DSE: variants seen among roughly 807,000 people sequenced by gnomAD.
DSE encodes dermatan sulfate epimerase, also known as dermatan-sulfate epimerase.
In DSE, 36 loss-of-function variants were observed where a neutral mutation model predicts 84.4. The ratio of observed to expected loss-of-function variants is 0.43; its 90% CI spans 0.33 to 0.56. The LOEUF is 0.56. Ranked by LOEUF, DSE falls within the 20% of genes least tolerant of loss-of-function variation. The pLI, the probability that DSE is intolerant of heterozygous loss-of-function variation, is 0.06. For missense variants in DSE, 862 were observed against 1,169.6 expected, an observed-to-expected ratio of 0.74 and a Z score of 3.84; for synonymous variants, 410 against 430.1, an observed-to-expected ratio of 0.95 and a Z score of 0.58.
intron 2 of DSE, among the ~76,000 whole-genome samples, chr6:116,268,222 A>ACAT (rs1772720510): frequency 1.3e-5 from 2 of 152,344 alleles, no homozygotes; most frequent in South Asian, 4.1e-4. Context: ...TAGATATGTT[A>ACAT]GTTACACAAC....
intron 2 of DSE, chr6:116,279,625 C>G: frequency 6.2e-7 from 1 of 1,603,226 alleles, no homozygotes; most frequent in Non-Finnish European, 8.5e-7. Context: ...CTGGGGTACG[C>G]CCCCCTCCTC....
At chr6:116,369,860 A>T (rs190705884), upstream of DSE, 1,448 of 1,258,618 alleles carry the variant, frequency 1.2e-3, 7 homozygotes, top group Admixed American at 1.4e-3. Flanking sequence ...AATTGGATGG[A>T]GGTGCCCTTC....
At chr6:116,311,943 G>A (rs1775717987) in intron 2 of DSE, among the ~76,000 whole-genome samples, 1 of 152,116 alleles carries the variant, frequency 6.6e-6, no homozygotes, top group South Asian at 2.1e-4. Flanking sequence ...GCCTCCAACA[G>A]TGCCTGGAGT....
chr6:116,299,422 A>G (rs764788143), intron 2 of DSE, among the ~76,000 whole-genome samples: 49 of 150,872 alleles, frequency 3.2e-4, no homozygotes, highest in Non-Finnish European at 6.5e-4. Flanking sequence ...TTAGAAAGCT[A>G]TAAGGGAAGA....
chr6:116,370,689 G>C (rs1271065389), upstream of DSE, among the ~76,000 whole-genome samples: 7 of 151,888 alleles, frequency 4.6e-5, no homozygotes, highest in Admixed American at 3.3e-4. Context: ...GGTGGAGTCC[G>C]GGCCGGGTGG....
chr6:116,397,056 TG>T (rs1357178896), intron 1 of DSE, among the ~76,000 whole-genome samples: 1 of 151,974 alleles, frequency 6.6e-6, no homozygotes, highest in African/African-American at 2.4e-5. Flanking sequence ...GTACGTTGGG[TG>T]TGTGTATGGG....
chr6:116,267,266 G>A (rs564370036), intron 2 of DSE, among the ~76,000 whole-genome samples: 1 of 152,272 alleles, frequency 6.6e-6, no homozygotes, highest in East Asian at 1.9e-4. Context: ...TATTCCAGAA[G>A]AAGGCATTTT....
At chr6:116,425,235 T>C (rs909042228) in intron 2 of DSE, among the ~76,000 whole-genome samples, 1 of 152,254 alleles carries the variant, frequency 6.6e-6, no homozygotes, top group Non-Finnish European at 1.5e-5. Flanking sequence ...TAGATTTCCA[T>C]GTATCCTTAC....
chr6:116,297,730 A>G (rs1774759212), intron 2 of DSE, among the ~76,000 whole-genome samples: 2 of 152,212 alleles, frequency 1.3e-5, no homozygotes, highest in African/African-American at 4.8e-5. Flanking sequence ...ACTTTTGTCA[A>G]ACCAGGAAAA....
At chr6:116,297,855 C>G (rs1213711922) in intron 2 of DSE, among the ~76,000 whole-genome samples, 1 of 152,110 alleles carries the variant, frequency 6.6e-6, no homozygotes, top group African/African-American at 2.4e-5. Flanking sequence ...TCACTAGGCT[C>G]TTAATAAAAT....
intron 1 of DSE, among the ~76,000 whole-genome samples, chr6:116,372,340 C>T (rs569619489): frequency 2.4e-4 from 37 of 152,184 alleles, no homozygotes; most frequent in African/African-American, 8.9e-4. Flanking sequence ...TGGTGGCGGG[C>T]GCCTGTAGTC....
intron 2 of DSE, among the ~76,000 whole-genome samples, chr6:116,295,404 AT>A (rs1191708369): frequency 1.3e-5 from 2 of 151,912 alleles, no homozygotes; most frequent in African/African-American, 4.8e-5. Flanking sequence ...ACATCCATTG[AT>A]TTTTTTTCCT....
At chr6:116,294,946 T>A (rs1774563252) in intron 2 of DSE, among the ~76,000 whole-genome samples, 1 of 152,152 alleles carries the variant, frequency 6.6e-6, no homozygotes, top group Non-Finnish European at 1.5e-5. Flanking sequence ...ACTGAGCACT[T>A]CCTATAGTAA....
rs973697726 is a variant in DSE at position 116,442,132 on chromosome 6, A to G, written c.*4787A>G. On this transcript the variant is annotated 3_prime_UTR_variant, in exon 6 of 6. Coordinates refer to ENST00000644252, the MANE Select transcript of DSE (RefSeq NM_013352.4). ...ACAGGGACATCTAAGAGAGAGGAGC[A>G]TTCCAGATAGAACAGCAGTTCGAAG... The G allele has an allele frequency of 6.6e-6, 1 of 152,314 alleles. No individual in the cohort carries two copies. Among genetic ancestry groups the G allele is most frequent in the African/African-American group, 2.4e-5 (1 of 41,440 alleles). The allele number at this position is 152,314 out of a possible 1,614,324, so 9.4% of individuals were successfully genotyped here. A position where few individuals can be genotyped will look rare whatever the true frequency, so the allele number is the denominator to read the frequency against.
intron 2 of DSE, among the ~76,000 whole-genome samples, chr6:116,294,812 C>T (rs1057298693): frequency 6.6e-6 from 1 of 152,096 alleles, no homozygotes; most frequent in Non-Finnish European, 1.5e-5. Context: ...CAAGTCTCTC[C>T]TCCAATTTCC....
chr6:116,398,361 A>G (rs1781384319), intron 1 of DSE, among the ~76,000 whole-genome samples: 1 of 152,270 alleles, frequency 6.6e-6, no homozygotes, highest in Non-Finnish European at 1.5e-5. Context: ...TTAAGAAAAT[A>G]TGTGAACTTT....
At chr6:116,307,251 A>G (rs115283081) in intron 2 of DSE, among the ~76,000 whole-genome samples, 10,938 of 152,188 alleles carry the variant, frequency 0.072, 422 homozygotes, top group East Asian at 0.18. Flanking sequence ...CACTCCAATC[A>G]TTCATTAACC....
At chr6:116,343,378 A>G (rs1255684856) in intron 2 of DSE, among the ~76,000 whole-genome samples, 1 of 152,226 alleles carries the variant, frequency 6.6e-6, no homozygotes, top group Admixed American at 6.5e-5. Context: ...AAGTAGCCTA[A>G]ATGGGAGACA....
chr6:116,293,876 G>A (rs968569057), intron 2 of DSE, among the ~76,000 whole-genome samples: 14 of 151,850 alleles, frequency 9.2e-5, no homozygotes, highest in Non-Finnish European at 1.6e-4. Context: ...ATGAGACGTT[G>A]CCTCAAAAAG....
Sources: allele counts gnomAD v4.1 joint callset (sites outside exome capture counted in the v4.1 genomes callset), GRCh38; gene constraint gnomAD v4.1.1; transcripts MANE v1.5; gene names NCBI Gene and HGNC (gene_info 2026-07-23, HGNC 2026-07-21).